JAKMIP2: variants seen among roughly 807,000 people sequenced by gnomAD.
JAKMIP2 encodes janus kinase and microtubule interacting protein 2.
A neutral mutation model predicts 115.0 loss-of-function variants in JAKMIP2; 25 were observed. The ratio of observed to expected loss-of-function variants is 0.22; its 90% CI spans 0.16 to 0.30. The LOEUF is 0.30. Among genes scored for constraint, JAKMIP2 ranks in the 10% least tolerant of loss-of-function variants. The probability of loss-of-function intolerance (pLI) is 1.00; values close to 1 mark genes in which losing one functional copy is unlikely to be tolerated. For synonymous variants in JAKMIP2, 334 were observed against 343.6 expected, an observed-to-expected ratio of 0.97 and a Z score of 0.31; for missense variants, 642 against 957.6, an observed-to-expected ratio of 0.67 and a Z score of 4.35.
intron 10 of JAKMIP2, 41 bp downstream of exon 10, chr5:147,639,591 C>T (rs779172119): frequency 6.3e-7 from 1 of 1,581,600 alleles, no homozygotes; most frequent in Non-Finnish European, 8.6e-7. Flanking sequence ...GCTGTGACTG[C>T]TGCACGCTAA....
intron 11 of JAKMIP2, chr5:147,636,519 T>A: frequency 1.7e-6 from 1 of 590,614 alleles, no homozygotes; most frequent in South Asian, 2.1e-5. Flanking sequence ...CCAGTTTGAA[T>A]AATCCAGGAC....
Position 147,766,329 on chromosome 5 carries a change from AT to A in JAKMIP2, c.-149+16126del, listed in dbSNP as rs537634042. Among the ~76,000 whole-genome samples the A allele has an allele frequency of 2.0e-5, 3 of 151,816 alleles. No homozygotes were observed. In the East Asian group the frequency reaches 5.8e-4, roughly 29 times the overall value. Reference sequence around the variant, plus strand: ...AGGAATTAAGAGACTTTTCTGTAGAATTTTTTTTTGCTTGTTTTCCTTTTGA... The same window carrying A: ...AGGAATTAAGAGACTTTTCTGTAGAATTTTTTTTGCTTGTTTTCCTTTTGA... On this transcript the variant is annotated intron_variant, in intron 1 of 21. Transcript: ENST00000616793.
At chr5:147,778,103 A>G (rs11960656) in intron 1 of JAKMIP2, among the ~76,000 whole-genome samples, 2,472 of 152,152 alleles carry the variant, frequency 0.016, 76 homozygotes, top group African/African-American at 0.055. Context: ...CTAAACACGG[A>G]AAAAAATGGT....
At chr5:147,632,457 T>C (rs1757408243) in intron 13 of JAKMIP2, among the ~76,000 whole-genome samples, 1 of 152,160 alleles carries the variant, frequency 6.6e-6, no homozygotes, top group African/African-American at 2.4e-5. Context: ...AGTATCTAAG[T>C]AGACAGTTTT....
intron 12 of JAKMIP2, 56 bp from the exon 13 acceptor site, chr5:147,632,834 G>A: frequency 9.0e-7 from 1 of 1,116,714 alleles, no homozygotes; most frequent in Non-Finnish European, 1.4e-6. Context: ...CTACAACTTT[G>A]CAAAGCATGA....
At chr5:147,715,612 T>C (rs1007481105) in intron 1 of JAKMIP2, among the ~76,000 whole-genome samples, 1 of 151,694 alleles carries the variant, frequency 6.6e-6, no homozygotes, top group Non-Finnish European at 1.5e-5. Context: ...TCGGAAGACA[T>C]GCCAATTCTA....
Position 147,650,593 on chromosome 5 carries a change from A to G in JAKMIP2, c.628-46T>C, listed in dbSNP as rs778315708. The G allele has an allele frequency of 3.4e-5, 49 of 1,424,470 alleles. No homozygotes were observed. The East Asian group carries it at 1.1e-3, about 32-fold the overall frequency. 88.2% of individuals were successfully genotyped at this position (1,424,470 alleles called of 1,614,324 possible). On this transcript the variant is annotated intron_variant, in intron 3 of 21. Coordinates refer to ENST00000616793, the MANE Select transcript of JAKMIP2 (RefSeq NM_001270941.2). ...GACATTTTATTTAACAATGCTGTAA[A>G]GAAATACATTTTTACAATGGTGTAG... is the stretch of plus-strand genomic sequence containing the variant.
At chr5:147,623,399 G>A (rs1033549655) in intron 17 of JAKMIP2, among the ~76,000 whole-genome samples, 1 of 152,038 alleles carries the variant, frequency 6.6e-6, no homozygotes, top group Non-Finnish European at 1.5e-5. Flanking sequence ...TTCGGCATTA[G>A]TTTTGGATAT....
intron 1 of JAKMIP2, among the ~76,000 whole-genome samples, chr5:147,695,650 CTGTGTGTGTGTG>C (rs572202242): frequency 7.0e-6 from 1 of 142,908 alleles, no homozygotes; most frequent in South Asian, 2.4e-4. Flanking sequence ...AGTGAAAGGT[CTGTGTGTGTGTG>C]TGTGTGTGTG....
chr5:147,777,683 A>G (rs577886113), intron 1 of JAKMIP2, among the ~76,000 whole-genome samples: 30 of 152,312 alleles, frequency 2.0e-4, no homozygotes, highest in African/African-American at 5.3e-4. Flanking sequence ...TGATTTAAAG[A>G]ATAATTTTTT....
chr5:147,619,060 A>G (rs1756725747), intron 18 of JAKMIP2, among the ~76,000 whole-genome samples: 1 of 152,124 alleles, frequency 6.6e-6, no homozygotes, highest in African/African-American at 2.4e-5. Flanking sequence ...TTGTAGATGA[A>G]GGATGCACTG....
intron 1 of JAKMIP2, among the ~76,000 whole-genome samples, chr5:147,766,324 G>A (rs1755155129): frequency 6.6e-6 from 1 of 152,140 alleles, no homozygotes; most frequent in Non-Finnish European, 1.5e-5. Context: ...AGACTTTTCT[G>A]TAGAATTTTT....
chr5:147,704,657 A>G (rs944762398), intron 1 of JAKMIP2, among the ~76,000 whole-genome samples: 2 of 152,176 alleles, frequency 1.3e-5, no homozygotes, highest in African/African-American at 2.4e-5. Context: ...TGGAAAGCCA[A>G]CTGGATTCCC....
chr5:147,743,977 CCCTTCCTTCCTTCCTAACTTCTTTCCTT>C (rs1561572031), intron 1 of JAKMIP2, among the ~76,000 whole-genome samples: 3 of 145,226 alleles, frequency 2.1e-5, no homozygotes, highest in Non-Finnish European at 3.0e-5. Context: ...CCTTCTCCCT[CCCTTCCTTCCTTCCTAACTTCTTTCCTT>C]CCTTCCTTCC....
intron 1 of JAKMIP2, among the ~76,000 whole-genome samples, chr5:147,766,163 A>G (rs1025469336): frequency 1.3e-5 from 2 of 152,134 alleles, no homozygotes; most frequent in African/African-American, 2.4e-5. Context: ...ACTTCCCTCA[A>G]AGAGACACTG....
chr5:147,720,934 A>G (rs1753250942), intron 1 of JAKMIP2, among the ~76,000 whole-genome samples: 5 of 152,086 alleles, frequency 3.3e-5, no homozygotes. Context: ...TCTGCTTTTT[A>G]GAGTTTCCAG....
chr5:147,768,363 G>A (rs1182389769), intron 1 of JAKMIP2, among the ~76,000 whole-genome samples: 6 of 152,076 alleles, frequency 3.9e-5, no homozygotes, highest in African/African-American at 1.4e-4. Context: ...AGAACCCATC[G>A]TAGCTGTTAG....
chr5:147,713,189 T>C (rs1752847589), intron 1 of JAKMIP2, among the ~76,000 whole-genome samples: 1 of 152,220 alleles, frequency 6.6e-6, no homozygotes, highest in Non-Finnish European at 1.5e-5. Flanking sequence ...ACAGAATTAG[T>C]ATACCTTAAT....
intron 1 of JAKMIP2, among the ~76,000 whole-genome samples, chr5:147,706,000 G>A (rs1376279498): frequency 6.6e-6 from 1 of 152,042 alleles, no homozygotes; most frequent in East Asian, 1.9e-4. Context: ...ACTCTGCTAG[G>A]AATTTATGTT....
Sources: gnomAD v4.1 joint callset for allele counts (sites outside exome capture counted in the v4.1 genomes callset) on GRCh38, gnomAD v4.1.1 for gene constraint, MANE v1.5 for transcripts, NCBI Gene and HGNC (gene_info 2026-07-23, HGNC 2026-07-21) for gene names.